Variants in LRP6 observed in about 807,000 individuals in gnomAD.
LRP6 encodes LDL receptor related protein 6, also known as low-density lipoprotein receptor-related protein 6.
In LRP6, 43 loss-of-function variants were observed where a neutral mutation model predicts 184.1. That is an observed-to-expected ratio of 0.23 (90% CI 0.18 to 0.30). The LOEUF is 0.30. Ranked by LOEUF, LRP6 falls within the 10% of genes least tolerant of loss-of-function variation. The pLI is 1.00. For missense variants in LRP6, 1,571 were observed against 2,005.3 expected, an observed-to-expected ratio of 0.78 and a Z score of 4.14; for synonymous variants, 719 against 684.9, an observed-to-expected ratio of 1.05 and a Z score of -0.78.
chr12:12,135,167 A>G lies in LRP6; in HGVS notation c.3733+8T>C, dbSNP rs201313595. ...TAGGGTTGCACAAGAAAATTACAAC[A>G]TATTTACCTCCACATGATAGCTCAT... On this transcript the variant is annotated splice_region_variant and intron_variant, in intron 17 of 22. Transcript: ENST00000261349. 140 of 1,613,860 alleles carry G rather than the reference A, an allele frequency of 8.7e-5. No homozygotes were observed. In the African/African-American group the frequency reaches 1.8e-3, roughly 21 times the overall value.
intron 9 of LRP6, 145 bp downstream of exon 9, chr12:12,164,128 T>TAAAAA: frequency 6.6e-6 from 4 of 605,776 alleles, no homozygotes; most frequent in South Asian, 2.0e-5. Flanking sequence ...AGACACCGTT[T>TAAAAA]AAAAAAAAAA....
At chr12:12,221,973 C>T (rs1013133491) in intron 2 of LRP6, among the ~76,000 whole-genome samples, 1 of 152,168 alleles carries the variant, frequency 6.6e-6, no homozygotes, top group Non-Finnish European at 1.5e-5. Flanking sequence ...GAGTGATCTG[C>T]TAAATGCTTT....
At chr12:12,164,907 G>A (rs1217695063) in intron 8 of LRP6, among the ~76,000 whole-genome samples, 172 bp downstream of exon 8, 2 of 82,486 alleles carry the variant, frequency 2.4e-5, no homozygotes, top group African/African-American at 7.9e-5. Flanking sequence ...CGTTTAAAAG[G>A]TCCCTTCTCA....
intron 6 of LRP6, 38 bp downstream of exon 6, chr12:12,181,005 A>T (rs779812984): frequency 6.2e-7 from 1 of 1,612,564 alleles, no homozygotes; most frequent in Admixed American, 1.7e-5. Context: ...GAAAAACAGA[A>T]ACACCACACA....
At chr12:12,154,327 G>A (rs1051377746) in intron 12 of LRP6, among the ~76,000 whole-genome samples, 19 of 151,960 alleles carry the variant, frequency 1.3e-4, no homozygotes, top group African/African-American at 4.6e-4. Context: ...CATTTTTTCA[G>A]TAAGAACTTC....
intron 3 of LRP6, among the ~76,000 whole-genome samples, chr12:12,200,890 T>A (rs1192365925): frequency 6.6e-6 from 1 of 152,198 alleles, no homozygotes; most frequent in Non-Finnish European, 1.5e-5. Context: ...TAATAGAGAT[T>A]TGATCTGTTC....
At chr12:12,254,460 T>C (rs1865412139) in intron 1 of LRP6, among the ~76,000 whole-genome samples, 2 of 152,244 alleles carry the variant, frequency 1.3e-5, no homozygotes, top group Non-Finnish European at 1.5e-5. Flanking sequence ...TCTCTGAAGC[T>C]ATCTATAACT....
At position 12,181,194 on chromosome 12, in the gene LRP6, T is replaced by G. The variant is rs1863335798; in HGVS notation, c.1222A>C (p.Ile408Leu). 6.2e-7 allele frequency: 1 copy of G among 1,614,156 alleles called. No homozygotes were observed. The highest frequency in any genetic ancestry group is 8.5e-7 in the Non-Finnish European group (1 of 1,180,000). ...VTAQIAHPDG[I>L]AVDWVARNLY... ...TTTCGTGCAACCCAGTCCACAGCAA[T>G]ACCATCAGGATGGGCAATTTGAGCA... The change falls in exon 6 of 23, where the codon ATT (isoleucine) becomes CTT (leucine). Residue 408 changes from isoleucine (I) to leucine (L), a missense_variant. By Grantham distance (5) the Ile-to-Leu change is conservative. Transcript: ENST00000261349.
intron 3 of LRP6, among the ~76,000 whole-genome samples, chr12:12,188,189 C>T (rs1280193830): frequency 1.3e-4 from 18 of 135,888 alleles, no homozygotes; most frequent in East Asian, 8.4e-4. Flanking sequence ...CCAGCCTGGG[C>T]GACAGAGCGA....
intron 7 of LRP6, among the ~76,000 whole-genome samples, chr12:12,177,303 A>T (rs1303699549): frequency 6.6e-6 from 1 of 152,198 alleles, no homozygotes; most frequent in Non-Finnish European, 1.5e-5. Context: ...GGAGAATGTC[A>T]CCCAGACTGG....
chr12:12,251,056 T>G (rs7302733), intron 1 of LRP6, among the ~76,000 whole-genome samples: 99,820 of 151,842 alleles, frequency 0.66, 32,811 homozygotes, highest in East Asian at 0.78. Context: ...TCAGCCTCCC[T>G]CGTAGGTGGG....
intron 22 of LRP6, among the ~76,000 whole-genome samples, chr12:12,122,364 A>T (rs958100813): frequency 2.0e-5 from 3 of 152,172 alleles, no homozygotes; most frequent in African/African-American, 7.2e-5. Context: ...TTTTTTCATA[A>T]GCTTTCTCAT....
intron 2 of LRP6, among the ~76,000 whole-genome samples, chr12:12,234,401 G>A (rs1173065959): frequency 1.3e-5 from 2 of 151,912 alleles, no homozygotes; most frequent in African/African-American, 4.8e-5. Context: ...AGTGAGCCCA[G>A]ATCGTGCCAC....
intron 16 of LRP6, 121 bp downstream of exon 16, chr12:12,138,203 AT>A: frequency 1.1e-6 from 1 of 941,498 alleles, no homozygotes; most frequent in Non-Finnish European, 1.7e-6. Flanking sequence ...GTTCAAAAAA[AT>A]GGCAAAACTA....
At chr12:12,141,608 A>G (rs893523583) in intron 15 of LRP6, among the ~76,000 whole-genome samples, 1 of 152,196 alleles carries the variant, frequency 6.6e-6, no homozygotes, top group African/African-American at 2.4e-5. Context: ...GTATACTCCC[A>G]GGACAATGGA....
chr12:12,138,344 C>A lies in LRP6; in HGVS notation c.3588G>T (p.Glu1196Asp). ...AQLSDIHAVK[E>D]LNLQEYRQHP... Reference sequence around the variant, plus strand: ...ACTTACTGTATTCTTGAAGGTTCAGCTCCTTTACTGCATGAATGTCACTAA... The same window carrying A: ...ACTTACTGTATTCTTGAAGGTTCAGATCCTTTACTGCATGAATGTCACTAA... Residue 1196 changes from glutamate to aspartate, a missense_variant, in exon 16 of 23, where the codon GAG becomes GAT. By Grantham distance (45) the Glu-to-Asp change is conservative (BLOSUM62 2). This residue lies in a region of LRP6 where 763 missense variants were observed against 859.5 expected (regional missense o/e 0.89). Coordinates refer to ENST00000261349, the MANE Select transcript of LRP6 (RefSeq NM_002336.3). 6.2e-7 allele frequency: 1 copy of A among 1,614,094 alleles called. No individual in the cohort carries two copies. The highest frequency in any genetic ancestry group is 8.5e-7 in the Non-Finnish European group (1 of 1,179,954).
At chr12:12,187,490 TCAGA>T (rs1467066786) in intron 3 of LRP6, 1 of 295,272 alleles carries the variant, frequency 3.4e-6, no homozygotes, top group Non-Finnish European at 6.5e-6. Context: ...ATTCATGTCA[TCAGA>T]CAGAGAAAGG....
chr12:12,195,090 A>T lies in LRP6; in HGVS notation c.648-7971T>A, dbSNP rs531927046. On this transcript the variant is annotated intron_variant, in intron 3 of 22. Coordinates refer to ENST00000261349, the MANE Select transcript of LRP6 (RefSeq NM_002336.3). ...TGTGTATATATACCACATTTTCTTT[A>T]TCTATTCATCTGATGTTGGACACCT... 2.6e-5 allele frequency among the ~76,000 whole-genome samples: 4 copies of T among 152,080 alleles called. No homozygotes were observed. The East Asian group carries it at 7.7e-4, about 29-fold the overall frequency.
At chr12:12,232,333 G>A (rs143782539) in intron 2 of LRP6, among the ~76,000 whole-genome samples, 1,710 of 150,506 alleles carry the variant, frequency 0.011, 27 homozygotes, top group African/African-American at 0.04. Flanking sequence ...GCAGTGAGCC[G>A]AGATCGTACC....
Sources: gnomAD v4.1 joint callset for allele counts (sites outside exome capture counted in the v4.1 genomes callset) on GRCh38, gnomAD v4.1.1 for gene constraint, gnomAD v4.1.1 regional missense constraint, MANE v1.5 for transcripts, NCBI Gene and HGNC (gene_info 2026-07-23, HGNC 2026-07-21) for gene names.